PCDHA6: variants seen among roughly 807,000 people sequenced by gnomAD.
PCDHA6 encodes protocadherin alpha-6.
A neutral mutation model predicts 60.3 loss-of-function variants in PCDHA6; 55 were observed. The ratio of observed to expected loss-of-function variants is 0.91; its 90% CI spans 0.73 to 1.14. The LOEUF is 1.14. PCDHA6 is among the 50% of genes most tolerant of loss of function. PCDHA6 has a pLI of 0.00. For missense variants in PCDHA6, 1,327 were observed against 1,256.5 expected (o/e 1.06, Z -0.85); for synonymous variants, 652 against 557.9 (o/e 1.17, Z -2.38).
rs1308888029 is a variant in PCDHA6 at position 141,011,344 on chromosome 5, A to G, written c.*1407A>G. Reference sequence around the variant, plus strand: ...ACACCTATGATGTTACCTGAAATCAATCTCCCATATGTATGCTGTATGCTA... The same window carrying G: ...ACACCTATGATGTTACCTGAAATCAGTCTCCCATATGTATGCTGTATGCTA... On this transcript the variant is annotated 3_prime_UTR_variant, in exon 4 of 4. Coordinates refer to ENST00000529310, the MANE Select transcript of PCDHA6 (RefSeq NM_018909.4). 3 of 153,730 alleles carry G rather than the reference A, an allele frequency of 2.0e-5. No homozygotes were observed. The highest frequency in any genetic ancestry group is 2.9e-5 in the Non-Finnish European group (2 of 68,040). The allele number at this position is 153,730 out of a possible 1,614,324, so 9.5% of individuals were successfully genotyped here.
intron 1 of PCDHA6, among the ~76,000 whole-genome samples, chr5:140,944,030 A>G (rs1272534224): frequency 1.3e-5 from 2 of 152,214 alleles, no homozygotes; most frequent in East Asian, 1.9e-4. Context: ...TCTTCAAAAT[A>G]TGGAAAACCA....
intron 1 of PCDHA6, among the ~76,000 whole-genome samples, chr5:140,943,500 G>T (rs907493905): frequency 6.6e-6 from 1 of 152,048 alleles, no homozygotes; most frequent in Non-Finnish European, 1.5e-5. Flanking sequence ...TGCTATCAAG[G>T]TTCATGGAAA....
chr5:140,882,309 T>C (rs745321942), intron 1 of PCDHA6: 1 of 1,614,090 alleles, frequency 6.2e-7, no homozygotes, highest in Non-Finnish European at 8.5e-7. Flanking sequence ...CCGCGGCAAC[T>C]ACTGCTCTGG....
At chr5:140,897,458 G>A (rs191522392) in intron 1 of PCDHA6, among the ~76,000 whole-genome samples, 7 of 151,428 alleles carry the variant, frequency 4.6e-5, no homozygotes, top group African/African-American at 2.4e-5. Context: ...TTGTCCTTGC[G>A]ATAGTTTACT....
At chr5:140,877,771 AC>A in intron 1 of PCDHA6, 2 of 1,614,178 alleles carry the variant, frequency 1.2e-6, no homozygotes, top group South Asian at 2.2e-5. Flanking sequence ...CCCGCCCAAG[AC>A]GGACCTCATG....
intron 1 of PCDHA6, chr5:140,848,339 A>T (rs1554142071): frequency 4.5e-6 from 4 of 885,086 alleles, no homozygotes. Context: ...AATCCAGACA[A>T]ATACAGCCCT....
At chr5:140,890,776 A>G (rs1554184541) in intron 1 of PCDHA6, among the ~76,000 whole-genome samples, 1 of 152,316 alleles carries the variant, frequency 6.6e-6, no homozygotes, top group Non-Finnish European at 1.5e-5. Flanking sequence ...TTAAAACCCC[A>G]TAAGATATTA....
At chr5:140,837,576 C>G (rs568317651) in intron 1 of PCDHA6, among the ~76,000 whole-genome samples, 3 of 151,836 alleles carry the variant, frequency 2.0e-5, no homozygotes, top group Non-Finnish European at 4.4e-5. Context: ...TTACAATCAC[C>G]AAATTGTAAA....
intron 3 of PCDHA6, among the ~76,000 whole-genome samples, chr5:141,000,775 C>G (rs919489031): frequency 5.3e-5 from 8 of 151,752 alleles, no homozygotes; most frequent in African/African-American, 1.9e-4. Context: ...GGCATAGTGG[C>G]GCACACCTGT....
chr5:140,828,744 G>T lies in PCDHA6; in HGVS notation c.653G>T (p.Gly218Val), dbSNP rs1769918189. The T allele has an allele frequency of 1.9e-5, 30 of 1,614,110 alleles. No homozygotes were observed. The highest frequency in any genetic ancestry group is 2.5e-5 in the Non-Finnish European group (30 of 1,180,044). The change falls in exon 1 of 4, where the codon GGC becomes GTC. Residue 218 changes from glycine (G) to valine (V), a missense_variant. Gly to Val is a moderately radical substitution (Grantham distance 109). Transcript: ENST00000529310. ...TTATTCCTGACAGCCACAGATGGGG[G>T]CAAACCTGAGCTCACAGGCACTGTT... The part of the protein sequence containing the change: ...HNLFLTATDG[G>V]KPELTGTVQL...
intron 1 of PCDHA6, among the ~76,000 whole-genome samples, chr5:140,947,921 C>A (rs1327858146): frequency 6.6e-6 from 1 of 151,536 alleles, no homozygotes; most frequent in African/African-American, 2.4e-5. Context: ...CTTGCCTTAA[C>A]CCTGATCTTA....
intron 1 of PCDHA6, chr5:140,967,632 A>G (rs371201664): frequency 1.9e-5 from 31 of 1,614,028 alleles, no homozygotes; most frequent in Admixed American, 1.7e-4. Context: ...GAGGGCTCCA[A>G]TGGTGAGCTC....
intron 1 of PCDHA6, among the ~76,000 whole-genome samples, chr5:140,840,979 C>A (rs1290701863): frequency 1.3e-5 from 2 of 151,986 alleles, no homozygotes; most frequent in Non-Finnish European, 2.9e-5. Context: ...AAGAAGAAAT[C>A]CCTAGCTGAA....
intron 1 of PCDHA6, among the ~76,000 whole-genome samples, chr5:140,845,170 T>C (rs1779731590): frequency 6.7e-6 from 1 of 149,622 alleles, no homozygotes; most frequent in Non-Finnish European, 1.5e-5. Context: ...ATTGTTTTCA[T>C]TTTAGTCCTT....
chr5:140,854,118 C>T lies in PCDHA6; in HGVS notation c.2394+23633C>T, dbSNP rs541457983. The T allele has an allele frequency of 1.9e-3, 584 of 313,350 alleles. 14 individuals carry two copies. The highest frequency in any genetic ancestry group is 2.3e-3 in the Non-Finnish European group (544 of 232,056). 19.4% of individuals were successfully genotyped at this position (313,350 alleles called of 1,614,324 possible). A position where few individuals can be genotyped will look rare whatever the true frequency, so the allele number is the denominator to read the frequency against. ...TTGAGGCTGCAGTGAACTGTGATGG[C>T]ACAACTGCATTTCAGCCCGGGTGAC... On this transcript the variant is annotated intron_variant, in intron 1 of 3. Transcript: ENST00000529310.
intron 3 of PCDHA6, among the ~76,000 whole-genome samples, chr5:141,003,100 T>TTCACAATC (rs1311391173): frequency 6.6e-6 from 1 of 152,240 alleles, no homozygotes; most frequent in African/African-American, 2.4e-5. Flanking sequence ...TGGCATTTGC[T>TTCACAATC]TCACAATCTT....
chr5:140,918,585 T>A (rs147777186), intron 1 of PCDHA6, among the ~76,000 whole-genome samples: 51 of 152,368 alleles, frequency 3.3e-4, no homozygotes, highest in African/African-American at 9.9e-4. Context: ...ATTGGCTATA[T>A]GTTCTATAGA....
In PCDHA6 at chr5:140,855,864, G is replaced by T. The variant is rs2043653105; in HGVS notation, c.2394+25379G>T. On this transcript the variant is annotated intron_variant, in intron 1 of 3. Transcript: ENST00000529310. ...CCTAAAGCCACCGGATGTCGCTGTC[G>T]TCCACAAAATAGCTTTTTAGAACAA... 4 of 775,774 alleles carry T rather than the reference G, an allele frequency of 5.2e-6. No individual in the cohort carries two copies. The East Asian group carries it at 8.1e-5, about 16-fold the overall frequency. The allele number at this position is 775,774 out of a possible 1,614,324, so 48.1% of individuals were successfully genotyped here. A position where few individuals can be genotyped will look rare whatever the true frequency, so the allele number is the denominator to read the frequency against.
intron 3 of PCDHA6, among the ~76,000 whole-genome samples, chr5:140,994,308 C>T (rs1402344988): frequency 6.6e-6 from 1 of 152,086 alleles, no homozygotes; most frequent in African/African-American, 2.4e-5. Flanking sequence ...TTTCACAGGG[C>T]CCAAACACTC....
Sources: gnomAD v4.1 joint callset for allele counts (sites outside exome capture counted in the v4.1 genomes callset) on GRCh38, gnomAD v4.1.1 for gene constraint, MANE v1.5 for transcripts, NCBI Gene and HGNC (gene_info 2026-07-23, HGNC 2026-07-21) for gene names.